The following DNAH1 variants were observed in gnomAD, a reference collection of about 807,000 sequenced individuals.
The protein encoded by DNAH1 is dynein axonemal heavy chain 1.
DNAH1 carries 327 observed loss-of-function variants against 484.3 expected under a neutral mutation model. That is an observed-to-expected ratio of 0.68 (90% CI 0.62 to 0.74). DNAH1 has a LOEUF of 0.74. DNAH1 is among the 30% of genes least tolerant of loss of function. The pLI is 0.00. For missense variants in DNAH1, 5,052 were observed against 5,546.8 expected (o/e 0.91, Z 2.83); for synonymous variants, 2,192 against 2,191.9 (o/e 1.00, Z 0.00).
Position 52,322,564 on chromosome 3 carries a change from T to C in DNAH1, c.122T>C (p.Ile41Thr). The C allele has an allele frequency of 2.5e-6, 4 of 1,613,846 alleles. No individual in the cohort carries two copies. Among genetic ancestry groups the C allele is most frequent in the Non-Finnish European group, 3.4e-6 (4 of 1,179,826 alleles). ...HRGLEYNPGK[I>T]LPGSDYGLGN... ...GGCCTAGAGTATAACCCGGGGAAGA[T>C]TCTTCCAGGATCAGACTATGGGTTG... The change falls in exon 2 of 78, where the codon ATT becomes ACT. Residue 41 changes from isoleucine to threonine, a missense_variant. Coordinates refer to ENST00000420323, the MANE Select transcript of DNAH1 (RefSeq NM_015512.5).
chr3:52,371,903 G>A (rs920970850), intron 41 of DNAH1, 43 bp from the exon 42 acceptor site: 5 of 1,603,542 alleles, frequency 3.1e-6, no homozygotes, highest in Non-Finnish European at 4.3e-6. Context: ...GAGTGGGGCA[G>A]GGAGGGGTTC....
chr3:52,384,155 C>A, intron 52 of DNAH1, 124 bp downstream of exon 52: 1 of 1,032,650 alleles, frequency 9.7e-7, no homozygotes, highest in Non-Finnish European at 1.4e-6. Context: ...TTTGGTCAGG[C>A]TGTGTTTCCT....
chr3:52,383,590 A>G lies in DNAH1; in HGVS notation c.8146A>G (p.Met2716Val), dbSNP rs1304945443. ...CAGCAACATCCACATGGTGCTGTGC[A>G]TGAGGTACAGGCAGCTGTCGCCAGG... ...VRSNIHMVLC[M>V]SPIGEVFRAR... Residue 2716 changes from methionine (M) to valine (V), a missense_variant, in exon 51 of 78, where the codon ATG becomes GTG. Physicochemically the swap from Met to Val is conservative, Grantham distance 21. Coordinates refer to ENST00000420323, the MANE Select transcript of DNAH1 (RefSeq NM_015512.5). 6.3e-7 allele frequency: 1 copy of G among 1,579,876 alleles called. No individual in the cohort carries two copies. The highest frequency in any genetic ancestry group is 8.6e-7 in the Non-Finnish European group (1 of 1,160,742).
At position 52,371,934 on chromosome 3, in the gene DNAH1, C is replaced by T. The variant is rs1559542929; in HGVS notation, c.6526-12C>T. The T allele has an allele frequency of 7.4e-6, 12 of 1,612,572 alleles. No individual in the cohort carries two copies. The highest frequency in any genetic ancestry group is 1.6e-4 in the Middle Eastern group (1 of 6,078). ...GGTTCCAGGCCCACTGCTGAGCCACCTATGATTCCAGGTTGCCTGGGTGAA... is the reference window on the plus strand; with the variant it reads ...GGTTCCAGGCCCACTGCTGAGCCACTTATGATTCCAGGTTGCCTGGGTGAA... On this transcript the variant is annotated splice_polypyrimidine_tract_variant and intron_variant, in intron 41 of 77. Transcript: ENST00000420323.
At chr3:52,352,757 C>A in intron 18 of DNAH1, 50 bp downstream of exon 18, 1 of 1,576,648 alleles carries the variant, frequency 6.3e-7, no homozygotes, top group Non-Finnish European at 8.6e-7. Flanking sequence ...CTTGAGGAAG[C>A]AGCTCATGTA....
intron 42 of DNAH1, 30 bp from the exon 43 acceptor site, chr3:52,372,197 C>G (rs1409828182): frequency 1.2e-6 from 2 of 1,612,662 alleles, no homozygotes; most frequent in African/African-American, 2.7e-5. Context: ...AGGCCCACCG[C>G]ATGCTCCTGT....
Position 52,370,736 on chromosome 3 carries a change from G to A in DNAH1, c.6436G>A (p.Glu2146Lys), listed in dbSNP as rs946605027. 6.2e-7 allele frequency: 1 copy of A among 1,604,918 alleles called. No homozygotes were observed. Among genetic ancestry groups the A allele is most frequent in the Non-Finnish European group, 8.5e-7 (1 of 1,176,074 alleles). ...ENEQLTLLFP[E>K]EGLVFDYRLE... ...CCGGCAGCTGACTCTGCTTTTCCCA[G>A]AAGAGGGGCTGGTGTTCGATTACAG... The change falls in exon 41 of 78, where the codon GAA becomes AAA. Residue 2146 changes from glutamate to lysine, a missense_variant. Physicochemically the swap from Glu to Lys is moderately conservative, Grantham distance 56. This residue lies in a region of DNAH1 where 2,929 missense variants were observed against 3,409.4 expected (regional missense o/e 0.86). Transcript: ENST00000420323.
At position 52,322,596 on chromosome 3, in the gene DNAH1, C is replaced by A. The variant is rs1278958124; in HGVS notation, c.154C>A (p.Pro52Thr). The change falls in exon 2 of 78, where the codon CCT (proline) becomes ACT (threonine). Residue 52 changes from proline (P) to threonine (T), a missense_variant. Coordinates refer to ENST00000420323, the MANE Select transcript of DNAH1 (RefSeq NM_015512.5). ...AGGATCAGACTATGGGTTGGGAAAT[C>A]CTCCAGCCCTTGACCCCAAGCTCCC... ...LPGSDYGLGN[P>T]PALDPKLPHL... The A allele has an allele frequency of 6.2e-7, 1 of 1,613,888 alleles. No individual in the cohort carries two copies.
Position 52,362,882 on chromosome 3 carries a change from C to T in DNAH1, c.5095-113C>T. ...AGGGGAGTGAAAGCCTCAGCTGTGG[C>T]AGGCTTGGTGCAGCAGGGAGTCCCA... On this transcript the variant is annotated intron_variant, in intron 31 of 77. Coordinates refer to ENST00000420323, the MANE Select transcript of DNAH1 (RefSeq NM_015512.5). This position sits in a 1 kb window ranked among gnomAD's most constrained non-coding sequence, Gnocchi z 5.1. 2 of 1,444,342 alleles carry T rather than the reference C, an allele frequency of 1.4e-6. No homozygotes were observed. Among genetic ancestry groups the T allele is most frequent in the Non-Finnish European group, 1.9e-6 (2 of 1,049,820 alleles). The allele number at this position is 1,444,342 out of a possible 1,614,324, so 89.5% of individuals were successfully genotyped here.
Position 52,389,606 on chromosome 3 carries a change from G to A in DNAH1, c.9621+20G>A. ...TGGCAGGTGCCCACCCCAGGGGCAG[G>A]AGTGCCCAGGCAGGGCCTGTGGTGT... On this transcript the variant is annotated intron_variant, in intron 60 of 77. Transcript: ENST00000420323. The A allele has an allele frequency of 1.4e-6, 2 of 1,430,412 alleles. No homozygotes were observed. Among genetic ancestry groups the A allele is most frequent in the Non-Finnish European group, 1.8e-6 (2 of 1,088,362 alleles). The allele number at this position is 1,430,412 out of a possible 1,614,324, so 88.6% of individuals were successfully genotyped here.
intron 67 of DNAH1, 119 bp from the exon 68 acceptor site, chr3:52,394,796 C>T (rs1324625995): frequency 6.7e-6 from 10 of 1,494,286 alleles, no homozygotes; most frequent in Non-Finnish European, 9.0e-6. Flanking sequence ...CTCTGTGCCT[C>T]CAGTGCCATA....
intron 1 of DNAH1, among the ~76,000 whole-genome samples, chr3:52,320,587 T>C (rs1274241457): frequency 6.6e-6 from 1 of 152,116 alleles, no homozygotes; most frequent in African/African-American, 2.4e-5. Flanking sequence ...CTCAAGTCAG[T>C]GCAGGCAAGG....
At chr3:52,397,208 G>C (rs1361997431) in intron 73 of DNAH1, among the ~76,000 whole-genome samples, 164 bp downstream of exon 73, 1 of 152,204 alleles carries the variant, frequency 6.6e-6, no homozygotes, top group African/African-American at 2.4e-5. Context: ...GCCTTGGCGA[G>C]GGAGTCAGAC....
intron 46 of DNAH1, 90 bp downstream of exon 46, chr3:52,376,083 G>T: frequency 6.6e-7 from 1 of 1,508,042 alleles, no homozygotes; most frequent in South Asian, 1.2e-5. Flanking sequence ...ACCAGGCGCC[G>T]TGGTGAACCA....
chr3:52,319,259 A>C (rs1484126083), intron 1 of DNAH1, among the ~76,000 whole-genome samples: 1 of 152,170 alleles, frequency 6.6e-6, no homozygotes, highest in Non-Finnish European at 1.5e-5. Flanking sequence ...AGTGGGGTTG[A>C]GTGTCAGTGA....
At position 52,359,285 on chromosome 3, in the gene DNAH1, G is replaced by T; in HGVS notation, c.4306G>T (p.Val1436Leu). The T allele has an allele frequency of 6.4e-7, 1 of 1,569,040 alleles. No homozygotes were observed. The highest frequency in any genetic ancestry group is 8.6e-7 in the Non-Finnish European group (1 of 1,156,230). The part of the protein sequence containing the change: ...TQWVLNWPGQ[V>L]TIAGCQTYWT... Reference sequence around the variant, plus strand: ...GTGGGTTCTGAACTGGCCTGGCCAGGTGACCATCGCTGGGTGCCAGACCTA... The same window carrying T: ...GTGGGTTCTGAACTGGCCTGGCCAGTTGACCATCGCTGGGTGCCAGACCTA... The change falls in exon 26 of 78, where the codon GTG (valine) becomes TTG (leucine). Residue 1436 changes from valine (V) to leucine (L), a missense_variant. By Grantham distance (32) the Val-to-Leu change is conservative. Coordinates refer to ENST00000420323, the MANE Select transcript of DNAH1 (RefSeq NM_015512.5).
intron 63 of DNAH1, 85 bp downstream of exon 63, chr3:52,391,688 T>G: frequency 6.6e-7 from 1 of 1,509,490 alleles, no homozygotes; most frequent in African/African-American, 1.4e-5. Context: ...AGGCCGGGAG[T>G]CAGTGGGACT....
chr3:52,371,901 C>A, intron 41 of DNAH1, 45 bp from the exon 42 acceptor site: 1 of 1,601,434 alleles, frequency 6.2e-7, no homozygotes, highest in Non-Finnish European at 8.5e-7. Context: ...AGGAGTGGGG[C>A]AGGGAGGGGT....
At chr3:52,380,456 G>A (rs902775425) in intron 48 of DNAH1, among the ~76,000 whole-genome samples, 1 of 152,234 alleles carries the variant, frequency 6.6e-6, no homozygotes, top group Non-Finnish European at 1.5e-5. Flanking sequence ...GGGAGGCAGG[G>A]AAGAGGCCTC....
Sources: gnomAD v4.1 joint callset for allele counts (sites outside exome capture counted in the v4.1 genomes callset) on GRCh38, gnomAD v4.1.1 for gene constraint, gnomAD v4.1.1 regional missense constraint, Gnocchi (gnomAD v3.1) non-coding constraint, MANE v1.5 for transcripts, NCBI Gene and HGNC (gene_info 2026-07-23, HGNC 2026-07-21) for gene names.